EGFLAM: variants seen among roughly 807,000 people sequenced by gnomAD.
EGFLAM encodes EGF like, fibronectin type III and laminin G domains.
In EGFLAM, 79 loss-of-function variants were observed where a neutral mutation model predicts 113.1. That is an observed-to-expected ratio of 0.70 (90% CI 0.58 to 0.84). The LOEUF (loss-of-function observed/expected upper bound fraction) is 0.84. EGFLAM is among the 40% of genes least tolerant of loss of function. The pLI is 0.00. For synonymous variants in EGFLAM, 504 were observed against 487.6 expected (o/e 1.03, Z -0.44); for missense variants, 1,265 against 1,291.6 (o/e 0.98, Z 0.32).
intron 6 of EGFLAM, among the ~76,000 whole-genome samples, chr5:38,384,373 G>A (rs925814319): frequency 6.6e-6 from 1 of 152,110 alleles, no homozygotes; most frequent in Non-Finnish European, 1.5e-5. Flanking sequence ...CTTCTCTGTT[G>A]CAGAGACCCC....
At chr5:38,435,804 C>CTT (rs1561091936) in intron 16 of EGFLAM, among the ~76,000 whole-genome samples, 1 of 135,322 alleles carries the variant, frequency 7.4e-6, no homozygotes, top group African/African-American at 2.9e-5. Flanking sequence ...CCCCGGCTCT[C>CTT]TCTTTTTTTT....
intron 1 of EGFLAM, among the ~76,000 whole-genome samples, chr5:38,263,506 T>C (rs776558047): frequency 2.0e-5 from 3 of 152,156 alleles, no homozygotes; most frequent in East Asian, 1.9e-4. Context: ...TTTCTTATGA[T>C]TGAATTTTGA....
intron 7 of EGFLAM, 71 bp from the exon 8 acceptor site, chr5:38,406,757 A>G (rs1186075826): frequency 3.5e-6 from 5 of 1,447,916 alleles, no homozygotes; most frequent in Non-Finnish European, 4.7e-6. Flanking sequence ...ACTAGGCAAC[A>G]ACTATAAATA....
intron 1 of EGFLAM, among the ~76,000 whole-genome samples, chr5:38,331,492 T>C (rs1157912914): frequency 1.3e-5 from 2 of 152,196 alleles, no homozygotes; most frequent in Admixed American, 6.5e-5. Context: ...ATACAGTATG[T>C]AGCCTCTTCA....
chr5:38,294,886 C>T (rs6898887), intron 1 of EGFLAM, among the ~76,000 whole-genome samples: 28,464 of 151,986 alleles, frequency 0.19, 3,171 homozygotes, highest in African/African-American at 0.3. Flanking sequence ...AGTGCAATGG[C>T]GCAGTCTCGG....
intron 5 of EGFLAM, among the ~76,000 whole-genome samples, chr5:38,354,222 A>G (rs1579811378): frequency 2.6e-5 from 4 of 152,080 alleles, no homozygotes; most frequent in Admixed American, 2.6e-4. Flanking sequence ...CTGCCATTGA[A>G]CAGATTTTGT....
At chr5:38,276,974 T>C (rs766110062) in intron 1 of EGFLAM, among the ~76,000 whole-genome samples, 12 of 152,226 alleles carry the variant, frequency 7.9e-5, no homozygotes, top group Non-Finnish European at 1.5e-4. Context: ...TAGTGAATTC[T>C]ACCATACATT....
intron 5 of EGFLAM, among the ~76,000 whole-genome samples, chr5:38,361,527 G>T (rs921929880): frequency 6.6e-6 from 1 of 152,158 alleles, no homozygotes; most frequent in Non-Finnish European, 1.5e-5. Context: ...TCTAGAGCAG[G>T]GGTGTCCAAT....
chr5:38,367,904 C>T (rs183881841), intron 5 of EGFLAM, among the ~76,000 whole-genome samples: 2 of 152,312 alleles, frequency 1.3e-5, no homozygotes, highest in Admixed American at 6.5e-5. Context: ...GTCTCTCTCA[C>T]TCTATAGAAT....
At chr5:38,343,621 G>A (rs1739401202) in intron 3 of EGFLAM, among the ~76,000 whole-genome samples, 1 of 152,094 alleles carries the variant, frequency 6.6e-6, no homozygotes, top group Admixed American at 6.5e-5. Flanking sequence ...CTGTGACCAG[G>A]GAATAGAAAT....
At chr5:38,414,859 C>T (rs1741591269) in intron 11 of EGFLAM, among the ~76,000 whole-genome samples, 1 of 152,084 alleles carries the variant, frequency 6.6e-6, no homozygotes, top group Non-Finnish European at 1.5e-5. Flanking sequence ...CTCAGGAGGT[C>T]GATTTTAGCT....
In EGFLAM at chr5:38,440,786, T is replaced by C. The variant is rs1230001022; in HGVS notation, c.2464+2331T>C. 3.3e-5 allele frequency among the ~76,000 whole-genome samples: 5 copies of C among 152,158 alleles called. No homozygotes were observed. The East Asian group carries it at 7.7e-4, about 23-fold the overall frequency. ...ACCAGTCCTTTTACATGAAGCAAAA[T>C]GGTATAGAAATAACCAGCACCAGGG... On this transcript the variant is annotated intron_variant, in intron 17 of 21. Coordinates refer to ENST00000322350, the MANE Select transcript of EGFLAM (RefSeq NM_152403.4).
chr5:38,324,688 A>T (rs1400491562), intron 1 of EGFLAM, among the ~76,000 whole-genome samples: 1 of 152,162 alleles, frequency 6.6e-6, no homozygotes, highest in East Asian at 1.9e-4. Context: ...TTACAAACAC[A>T]CATTCTCCAA....
At chr5:38,445,779 G>A (rs1001231551) in intron 17 of EGFLAM, 25 of 1,475,394 alleles carry the variant, frequency 1.7e-5, no homozygotes, top group Middle Eastern at 1.7e-4. Context: ...AGGGGGACCC[G>A]GGGTGAGTGG....
chr5:38,458,419 C>T (rs1259042377), intron 20 of EGFLAM, 25 bp downstream of exon 20: 3 of 1,609,392 alleles, frequency 1.9e-6, no homozygotes, highest in Middle Eastern at 1.7e-4. Flanking sequence ...CAGCATGAGG[C>T]AGAGCCAGAG....
chr5:38,262,710 G>A (rs918283151), intron 1 of EGFLAM, among the ~76,000 whole-genome samples: 3 of 152,214 alleles, frequency 2.0e-5, no homozygotes, highest in African/African-American at 4.8e-5. Context: ...TGGAATTCCA[G>A]TTTGTTTAAC....
At chr5:38,444,133 T>C (rs1379957031) in intron 17 of EGFLAM, among the ~76,000 whole-genome samples, 1 of 152,194 alleles carries the variant, frequency 6.6e-6, no homozygotes, top group Non-Finnish European at 1.5e-5. Flanking sequence ...TTGCCTGGAC[T>C]GCAGGGCTTC....
At chr5:38,367,413 T>C (rs1195883401) in intron 5 of EGFLAM, among the ~76,000 whole-genome samples, 1 of 135,300 alleles carries the variant, frequency 7.4e-6, no homozygotes, top group Non-Finnish European at 1.7e-5. Context: ...TGCTGGCTAA[T>C]TTTTTTTTTA....
chr5:38,333,085 GGAT>G (rs1416325085), intron 1 of EGFLAM, among the ~76,000 whole-genome samples: 8 of 152,198 alleles, frequency 5.3e-5, no homozygotes, highest in Non-Finnish European at 1.2e-4. Context: ...AGTTTGCTCA[GGAT>G]GATATCCTCC....
Sources: allele counts gnomAD v4.1 joint callset (sites outside exome capture counted in the v4.1 genomes callset), GRCh38; gene constraint gnomAD v4.1.1; transcripts MANE v1.5; gene names NCBI Gene and HGNC (gene_info 2026-07-23, HGNC 2026-07-21).